Variants in WDR7 observed in about 807,000 individuals in gnomAD.
WDR7 encodes WD repeat domain 7, also known as WD repeat-containing protein 7.
A neutral mutation model predicts 169.4 loss-of-function variants in WDR7; 46 were observed. That is an observed-to-expected ratio of 0.27 (90% CI 0.21 to 0.35). WDR7 has a LOEUF of 0.35. Ranked by LOEUF, WDR7 falls within the 10% of genes least tolerant of loss-of-function variation. The pLI, the probability that WDR7 is intolerant of heterozygous loss-of-function variation, is 1.00. For synonymous variants in WDR7, 612 were observed against 666.8 expected (o/e 0.92, Z 1.27); for missense variants, 1,534 against 1,859.3 (o/e 0.83, Z 3.22).
chr18:56,818,098 C>G (rs1273624750), intron 20 of WDR7, among the ~76,000 whole-genome samples: 1 of 152,178 alleles, frequency 6.6e-6, no homozygotes, highest in Non-Finnish European at 1.5e-5. Flanking sequence ...GCTTTTCATA[C>G]TGTCATATGT....
Position 56,731,472 on chromosome 18 carries a change from A to C in WDR7, c.1864A>C (p.Ser622Arg), listed in dbSNP as rs1361604340. The change falls in exon 14 of 28, where the codon AGT (serine) becomes CGT (arginine). Residue 622 changes from serine (S) to arginine (R), a missense_variant. Coordinates refer to ENST00000254442, the MANE Select transcript of WDR7 (RefSeq NM_015285.3). ...EAVPAAVDSL[S>R]HPAVNLKQAM... ...TGTTCCTGCTGCTGTTGATTCACTT[A>C]GTCATCCAGCAGTCAACCTAAAACA... 6.2e-7 allele frequency: 1 copy of C among 1,614,076 alleles called. No individual in the cohort carries two copies. Among genetic ancestry groups the C allele is most frequent in the Non-Finnish European group, 8.5e-7 (1 of 1,180,038 alleles).
At chr18:56,794,304 ATTTTTTTT>A (rs566857049) in intron 19 of WDR7, among the ~76,000 whole-genome samples, 1 of 49,466 alleles carries the variant, frequency 2.0e-5, no homozygotes, top group African/African-American at 6.6e-5. Context: ...GGTAAAGTCT[ATTTTTTTT>A]TTTTTTTTTT....
downstream of WDR7, chr18:57,030,879 T>TAAA (rs10584138): frequency 1.0e-4 from 15 of 146,548 alleles, no homozygotes; most frequent in African/African-American, 3.7e-4. Flanking sequence ...TTTTGCTGTT[T>TAAA]AAAAAAAAAA....
At chr18:56,666,607 A>T (rs955746597) in intron 1 of WDR7, among the ~76,000 whole-genome samples, 1 of 152,286 alleles carries the variant, frequency 6.6e-6, no homozygotes, top group African/African-American at 2.4e-5. Context: ...CTGCAGTTCC[A>T]TTTATCTTTT....
At chr18:56,920,738 T>C (rs1171791871) in intron 21 of WDR7, among the ~76,000 whole-genome samples, 1 of 152,228 alleles carries the variant, frequency 6.6e-6, no homozygotes, top group Non-Finnish European at 1.5e-5. Context: ...TTCTATCTTA[T>C]ACAGATTAAA....
In WDR7 at chr18:56,713,063, T is replaced by C. The variant is rs74959386; in HGVS notation, c.1579-4901T>C. 2.7e-3 allele frequency among the ~76,000 whole-genome samples: 412 copies of C among 152,284 alleles called. 4 individuals are homozygous for C. The East Asian group carries it at 0.036, about 13-fold the overall frequency. ...CTTAAGGGATTTGCAGATTATATTA[T>C]ATAGTTCTAAACCTAGCCATCACAA... On this transcript the variant is annotated intron_variant, in intron 12 of 27. Coordinates refer to ENST00000254442, the MANE Select transcript of WDR7 (RefSeq NM_015285.3).
At chr18:56,705,479 A>T (rs563280064) in intron 12 of WDR7, among the ~76,000 whole-genome samples, 1 of 152,198 alleles carries the variant, frequency 6.6e-6, no homozygotes, top group Admixed American at 6.5e-5. Flanking sequence ...AATATATATG[A>T]TATTTGAATA....
chr18:56,843,828 A>G (rs1176165172), intron 20 of WDR7, among the ~76,000 whole-genome samples: 2 of 148,592 alleles, frequency 1.3e-5, no homozygotes, highest in Non-Finnish European at 3.0e-5. Context: ...CCACATCCTC[A>G]TCAACACTCG....
chr18:56,665,409 A>T (rs1426718470), intron 1 of WDR7, among the ~76,000 whole-genome samples: 1 of 152,174 alleles, frequency 6.6e-6, no homozygotes, highest in African/African-American at 2.4e-5. Context: ...CAAACAAACA[A>T]AAAACCCAAG....
rs769609870 is a variant in WDR7 at position 57,024,561 on chromosome 18, A to G, written c.4270-2443A>G. On this transcript the variant is annotated intron_variant, in intron 27 of 27. Transcript: ENST00000254442. Reference sequence around the variant, plus strand: ...CAGGAATAGGGATATGTGAGCTATGATAGTTATGTCCCTTATAGAATTTCA... The same window carrying G: ...CAGGAATAGGGATATGTGAGCTATGGTAGTTATGTCCCTTATAGAATTTCA... Among the ~76,000 whole-genome samples, 499 of 129,682 alleles carry G rather than the reference A, an allele frequency of 3.8e-3. 5 individuals carry two copies. Among genetic ancestry groups the G allele is most frequent in the African/African-American group, 4.9e-3 (169 of 34,600 alleles). 85.1% of individuals were successfully genotyped at this position (129,682 alleles called of 152,430 possible). A position where few individuals can be genotyped will look rare whatever the true frequency, so the allele number is the denominator to read the frequency against.
intron 1 of WDR7, among the ~76,000 whole-genome samples, chr18:56,668,604 A>T (rs540534187): frequency 6.6e-6 from 1 of 152,312 alleles, no homozygotes; most frequent in South Asian, 2.1e-4. Context: ...GCTGCTCTAA[A>T]ATGTATACTA....
chr18:56,865,826 A>G (rs1328631932), intron 20 of WDR7, among the ~76,000 whole-genome samples: 1 of 152,152 alleles, frequency 6.6e-6, no homozygotes, highest in East Asian at 1.9e-4. Context: ...CATATGCTTG[A>G]TAGAATATCT....
At chr18:56,714,546 G>GCGATTCT (rs1198761035) in intron 12 of WDR7, among the ~76,000 whole-genome samples, 2 of 151,214 alleles carry the variant, frequency 1.3e-5, no homozygotes, top group Admixed American at 1.3e-4. Context: ...CCAGGTTCAG[G>GCGATTCT]CGATTCTCCT....
chr18:56,725,345 C>G (rs551400970), intron 13 of WDR7, among the ~76,000 whole-genome samples: 2 of 151,550 alleles, frequency 1.3e-5, no homozygotes, highest in South Asian at 4.1e-4. Flanking sequence ...GATTGCCATT[C>G]TAACTGGTGT....
chr18:56,718,184 T>C (rs1315777524), intron 13 of WDR7, 25 bp downstream of exon 13: 3 of 1,464,114 alleles, frequency 2.0e-6, no homozygotes, highest in Non-Finnish European at 2.7e-6. Flanking sequence ...GAAGAGATAC[T>C]ATAGAAAATT....
chr18:56,980,378 A>G (rs2047624562), intron 26 of WDR7, among the ~76,000 whole-genome samples: 1 of 152,102 alleles, frequency 6.6e-6, no homozygotes, highest in African/African-American at 2.4e-5. Flanking sequence ...CCGTGTGTAG[A>G]AGCCCAAGAC....
At chr18:56,966,088 TG>T (rs538938019) in intron 26 of WDR7, among the ~76,000 whole-genome samples, 1 of 152,240 alleles carries the variant, frequency 6.6e-6, no homozygotes, top group East Asian at 1.9e-4. Flanking sequence ...GACATGGTGG[TG>T]GGCATAGTGA....
At chr18:56,652,424 A>G (rs920617051) in intron 1 of WDR7, among the ~76,000 whole-genome samples, 2 of 152,324 alleles carry the variant, frequency 1.3e-5, no homozygotes, top group Middle Eastern at 3.4e-3. Flanking sequence ...GGTTGCAGGA[A>G]TTGCCTGTTG....
chr18:56,757,758 A>T (rs961158355), intron 15 of WDR7, among the ~76,000 whole-genome samples: 5 of 152,066 alleles, frequency 3.3e-5, no homozygotes, highest in African/African-American at 1.2e-4. Flanking sequence ...GATCACTTGA[A>T]GCCAGGAGTT....
Sources: allele counts gnomAD v4.1 joint callset (sites outside exome capture counted in the v4.1 genomes callset), GRCh38; gene constraint gnomAD v4.1.1; transcripts MANE v1.5; gene names NCBI Gene and HGNC (gene_info 2026-07-23, HGNC 2026-07-21).